Variants in KDM2A observed in about 807,000 individuals in gnomAD.
KDM2A encodes lysine-specific demethylase 2A.
Under a neutral mutation model 137.3 loss-of-function variants are expected in KDM2A, and 3 were observed. That is an observed-to-expected ratio of 0.02 (90% CI 0.01 to 0.06). The LOEUF is 0.06. Ranked by LOEUF, KDM2A falls within the 10% of genes least tolerant of loss-of-function variation. KDM2A has a pLI of 1.00. For synonymous variants in KDM2A, 512 were observed against 541.5 expected, an observed-to-expected ratio of 0.95 and a Z score of 0.76; for missense variants, 738 against 1,510.6, an observed-to-expected ratio of 0.49 and a Z score of 8.48.
In KDM2A at chr11:67,250,862, G is replaced by A. The variant is rs1859400050; in HGVS notation, c.2768+64G>A. On this transcript the variant is annotated intron_variant, in intron 17 of 20. Coordinates refer to ENST00000529006, the MANE Select transcript of KDM2A (RefSeq NM_012308.3). This position sits in a 1 kb window ranked among gnomAD's most constrained non-coding sequence, Gnocchi z 7.1. ...GGAGTAGGTGGCAGGTTTTCCATATGAGAACAGCATGCACCTTGGCATCTG... is the reference window on the plus strand; with the variant it reads ...GGAGTAGGTGGCAGGTTTTCCATATAAGAACAGCATGCACCTTGGCATCTG... 1 of 1,224,946 alleles carries A rather than the reference G, an allele frequency of 8.2e-7. No individual in the cohort carries two copies. 75.9% of individuals were successfully genotyped at this position (1,224,946 alleles called of 1,614,324 possible).
intron 13 of KDM2A, 64 bp downstream of exon 13, chr11:67,243,156 T>C: frequency 8.3e-7 from 1 of 1,209,462 alleles, no homozygotes; most frequent in Admixed American, 1.8e-5. Context: ...TCATTACCAT[T>C]CTGGGGAAAA....
intron 5 of KDM2A, among the ~76,000 whole-genome samples, chr11:67,198,025 T>C (rs943960643): frequency 2.6e-5 from 4 of 152,202 alleles, no homozygotes; most frequent in African/African-American, 9.7e-5. Flanking sequence ...AAAAGAACAT[T>C]TGTTTACTAT....
chr11:67,152,561 T>C (rs1856416946), intron 2 of KDM2A, among the ~76,000 whole-genome samples: 1 of 151,858 alleles, frequency 6.6e-6, no homozygotes, highest in Non-Finnish European at 1.5e-5. Context: ...TGATCTGTGA[T>C]CATGCCACTG....
At chr11:67,183,709 C>T (rs1364998279) in intron 5 of KDM2A, among the ~76,000 whole-genome samples, 1 of 152,180 alleles carries the variant, frequency 6.6e-6, no homozygotes, top group African/African-American at 2.4e-5. Flanking sequence ...AAAACTTGCA[C>T]ACAGCTTATA....
At chr11:67,206,291 C>T (rs1403093471) in intron 5 of KDM2A, among the ~76,000 whole-genome samples, 1 of 152,120 alleles carries the variant, frequency 6.6e-6, no homozygotes, top group Non-Finnish European at 1.5e-5. Flanking sequence ...ATTAGGCAGG[C>T]GTGGTGGCAC....
intron 2 of KDM2A, among the ~76,000 whole-genome samples, chr11:67,177,646 G>T (rs1856999393): frequency 6.6e-6 from 1 of 151,742 alleles, no homozygotes. Context: ...TGATAACAAT[G>T]CCTTCTTTTG....
chr11:67,156,433 AT>A (rs1233897446), intron 2 of KDM2A, among the ~76,000 whole-genome samples: 1 of 151,710 alleles, frequency 6.6e-6, no homozygotes, highest in Non-Finnish European at 1.5e-5. Context: ...AAATACAAAA[AT>A]TAGGCCAGGC....
intron 5 of KDM2A, among the ~76,000 whole-genome samples, chr11:67,186,108 C>T (rs912791687): frequency 2.0e-5 from 3 of 151,576 alleles, no homozygotes; most frequent in Non-Finnish European, 4.4e-5. Flanking sequence ...TGAAAATTTC[C>T]CAAATTTGAT....
At chr11:67,156,262 A>G (rs1249136911) in intron 2 of KDM2A, among the ~76,000 whole-genome samples, 2 of 150,776 alleles carry the variant, frequency 1.3e-5, no homozygotes, top group African/African-American at 4.9e-5. Flanking sequence ...AAAAAAAAAA[A>G]ATCACAAGGA....
At chr11:67,222,136 G>C (rs1858378076) in intron 10 of KDM2A, among the ~76,000 whole-genome samples, 1 of 116,486 alleles carries the variant, frequency 8.6e-6, no homozygotes, top group Admixed American at 8.8e-5. Context: ...GATTTGGCAG[G>C]GTCATGGGAC....
chr11:67,253,639 C>T (rs1251445555), intron 19 of KDM2A, 28 bp downstream of exon 19: 2 of 1,609,580 alleles, frequency 1.2e-6, no homozygotes, highest in African/African-American at 1.3e-5. Flanking sequence ...CTTCTCTGTG[C>T]TTGTCTTGGG....
rs1256035714 is a variant in KDM2A at position 67,257,766 on chromosome 11, A to G, written c.*2711A>G. 1.3e-5 allele frequency: 2 copies of G among 152,174 alleles called. No homozygotes were observed. Among genetic ancestry groups the G allele is most frequent in the African/African-American group, 4.8e-5 (2 of 41,442 alleles). 9.4% of individuals were successfully genotyped at this position (152,174 alleles called of 1,614,324 possible). On this transcript the variant is annotated 3_prime_UTR_variant, in exon 21 of 21. Transcript: ENST00000529006. ...GAGTCAATCTCCAATGTTGTGCTAA[A>G]AAGTTTAAATTAAATGTAAGCATTA...
chr11:67,183,664 G>C (rs1193120079), intron 5 of KDM2A, among the ~76,000 whole-genome samples: 1 of 152,172 alleles, frequency 6.6e-6, no homozygotes, highest in African/African-American at 2.4e-5. Context: ...TGCCAACCAA[G>C]CCCATGACAA....
At chr11:67,167,483 G>A (rs1395365114) in intron 2 of KDM2A, among the ~76,000 whole-genome samples, 1 of 152,046 alleles carries the variant, frequency 6.6e-6, no homozygotes, top group Non-Finnish European at 1.5e-5. Flanking sequence ...GGATCATTCT[G>A]TATATAAGTA....
chr11:67,196,952 A>G (rs553005169), intron 5 of KDM2A: 1 of 155,650 alleles, frequency 6.4e-6, no homozygotes, highest in Non-Finnish European at 1.4e-5. Flanking sequence ...TGAGCTATGC[A>G]AATATGTAAG....
intron 5 of KDM2A, among the ~76,000 whole-genome samples, chr11:67,191,246 C>G (rs775424494): frequency 1.4e-4 from 21 of 151,918 alleles, no homozygotes; most frequent in Non-Finnish European, 2.5e-4. Flanking sequence ...AGGATGGTCT[C>G]GATCTCCTGA....
rs1469510480 is a variant in KDM2A, at chr11:67,119,504, C to G, written c.-629C>G. 6.6e-6 allele frequency: 1 copy of G among 152,582 alleles called. No individual in the cohort carries two copies. Among genetic ancestry groups the G allele is most frequent in the African/African-American group, 2.4e-5 (1 of 41,382 alleles). The allele number at this position is 152,582 out of a possible 1,614,324, so 9.5% of individuals were successfully genotyped here. ...CTGCGACTGGGGAGTAGCCGGGGGG[C>G]TCGTCCCGCAGCGCGGAGCCAGACC... On this transcript the variant is annotated 5_prime_UTR_variant, in exon 1 of 21. Coordinates refer to ENST00000529006, the MANE Select transcript of KDM2A (RefSeq NM_012308.3).
At chr11:67,155,524 G>A (rs146441712) in intron 2 of KDM2A, among the ~76,000 whole-genome samples, 7 of 152,096 alleles carry the variant, frequency 4.6e-5, no homozygotes, top group African/African-American at 1.7e-4. Context: ...AGCTGGTTTC[G>A]AACTCTTGGC....
chr11:67,157,703 C>G (rs1034620434), intron 2 of KDM2A, among the ~76,000 whole-genome samples: 1 of 150,980 alleles, frequency 6.6e-6, no homozygotes, highest in Admixed American at 6.6e-5. Context: ...TGAGATGGCG[C>G]CACTGCACTC....
Sources: gnomAD v4.1 joint callset for allele counts (sites outside exome capture counted in the v4.1 genomes callset) on GRCh38, gnomAD v4.1.1 for gene constraint, Gnocchi (gnomAD v3.1) non-coding constraint, MANE v1.5 for transcripts, NCBI Gene and HGNC (gene_info 2026-07-23, HGNC 2026-07-21) for gene names.